Variants in PLPPR1 observed in about 807,000 individuals in gnomAD.
PLPPR1 encodes phospholipid phosphatase related 1, also known as phospholipid phosphatase-related protein type 1.
In PLPPR1, 10 loss-of-function variants were observed where a neutral mutation model predicts 33.1. That is an observed-to-expected ratio of 0.30 (90% CI 0.19 to 0.51). The LOEUF is 0.51. Among genes scored for constraint, PLPPR1 ranks in the 20% least tolerant of loss-of-function variants. The probability of loss-of-function intolerance (pLI) is 0.97; values close to 1 mark genes in which losing one functional copy is unlikely to be tolerated. For synonymous variants in PLPPR1, 151 were observed against 151.0 expected (o/e 1.00, Z 0.00); for missense variants, 304 against 408.1 (o/e 0.74, Z 2.20).
intron 1 of PLPPR1, among the ~76,000 whole-genome samples, chr9:101,172,947 T>C (rs1436329757): frequency 6.6e-6 from 1 of 152,080 alleles, no homozygotes; most frequent in Non-Finnish European, 1.5e-5. Context: ...TTTGTCTGTA[T>C]TTCTCAGTTG....
At chr9:101,056,424 T>C (rs917631645) in intron 1 of PLPPR1, among the ~76,000 whole-genome samples, 3 of 152,148 alleles carry the variant, frequency 2.0e-5, no homozygotes, top group African/African-American at 4.8e-5. Context: ...GTTTAGGTAA[T>C]TAAAAAAAAA....
intron 1 of PLPPR1, among the ~76,000 whole-genome samples, chr9:101,154,425 G>T (rs1190544273): frequency 6.6e-6 from 1 of 152,016 alleles, no homozygotes; most frequent in Admixed American, 6.5e-5. Context: ...GCTTCTTCCT[G>T]GTTTAGTCTT....
At chr9:101,180,091 CCTTTATATATATATATATATATAT>C (rs1305044560) in intron 1 of PLPPR1, among the ~76,000 whole-genome samples, 1 of 93,874 alleles carries the variant, frequency 1.1e-5, no homozygotes, top group African/African-American at 3.9e-5. Flanking sequence ...AATAAACTCT[CCTTTATATATATATATATATATAT>C]ATATATATAT....
intron 5 of PLPPR1, among the ~76,000 whole-genome samples, chr9:101,312,366 C>T (rs983956234): frequency 1.3e-5 from 2 of 152,168 alleles, no homozygotes; most frequent in East Asian, 1.9e-4. Flanking sequence ...TGTACGGTCA[C>T]TTACAGTCAC....
chr9:101,147,377 T>TA (rs1422169998), intron 1 of PLPPR1, among the ~76,000 whole-genome samples: 1 of 152,204 alleles, frequency 6.6e-6, no homozygotes, highest in African/African-American at 2.4e-5. Context: ...TATTAGGGGA[T>TA]ATTTTGAATT....
intron 2 of PLPPR1, among the ~76,000 whole-genome samples, chr9:101,255,325 T>C (rs1319654520): frequency 6.6e-6 from 1 of 152,152 alleles, no homozygotes; most frequent in Admixed American, 6.6e-5. Context: ...TAATAGGCTC[T>C]CATAAGATGG....
chr9:101,044,067 T>A (rs1186421617), intron 1 of PLPPR1, among the ~76,000 whole-genome samples: 1 of 151,902 alleles, frequency 6.6e-6, no homozygotes, highest in Non-Finnish European at 1.5e-5. Context: ...GTCAGCAGAG[T>A]AAACAGACAA....
chr9:101,313,320 C>T (rs1828994670), intron 6 of PLPPR1, among the ~76,000 whole-genome samples: 2 of 152,090 alleles, frequency 1.3e-5, no homozygotes, highest in Admixed American at 1.3e-4. Context: ...TTGTTCTCAG[C>T]ATATTGGGGG....
At chr9:101,116,807 CAA>C (rs35906894) in intron 1 of PLPPR1, among the ~76,000 whole-genome samples, 80 of 118,328 alleles carry the variant, frequency 6.8e-4, no homozygotes, top group Admixed American at 7.9e-4. Flanking sequence ...GACTCCATCT[CAA>C]AAAAAAAAAA....
chr9:101,076,769 A>C (rs2118499971), intron 1 of PLPPR1, among the ~76,000 whole-genome samples: 1 of 152,320 alleles, frequency 6.6e-6, no homozygotes, highest in Non-Finnish European at 1.5e-5. Context: ...TATTGTGTGT[A>C]TGTGTAAGAC....
At chr9:101,212,148 T>C (rs1171739896) in intron 2 of PLPPR1, among the ~76,000 whole-genome samples, 1 of 151,742 alleles carries the variant, frequency 6.6e-6, no homozygotes, top group Admixed American at 6.6e-5. Flanking sequence ...AGTGGTGTGA[T>C]CTCGGCTCAC....
intron 4 of PLPPR1, 109 bp from the exon 5 acceptor site, chr9:101,309,102 G>C (rs1194236675): frequency 3.6e-6 from 4 of 1,126,392 alleles, no homozygotes; most frequent in Non-Finnish European, 3.9e-6. Context: ...GGAGTACTTA[G>C]AATCATTTTG....
chr9:101,303,136 A>G (rs1422320668), intron 4 of PLPPR1, among the ~76,000 whole-genome samples: 1 of 151,296 alleles, frequency 6.6e-6, no homozygotes, highest in Non-Finnish European at 1.5e-5. Flanking sequence ...ACAGGCACCC[A>G]GCACCACCGG....
intron 2 of PLPPR1, among the ~76,000 whole-genome samples, chr9:101,252,567 A>G (rs1827730226): frequency 6.6e-6 from 1 of 152,182 alleles, no homozygotes; most frequent in Non-Finnish European, 1.5e-5. Flanking sequence ...TTAAAGGAAA[A>G]TGAGAACATC....
chr9:101,097,353 G>T (rs1403575618), intron 1 of PLPPR1, among the ~76,000 whole-genome samples: 1 of 152,180 alleles, frequency 6.6e-6, no homozygotes, highest in East Asian at 1.9e-4. Context: ...ATCTAAGTCA[G>T]ATCTAAGTGA....
chr9:101,063,904 T>C (rs748356522), intron 1 of PLPPR1, among the ~76,000 whole-genome samples: 3 of 152,130 alleles, frequency 2.0e-5, no homozygotes, highest in Non-Finnish European at 4.4e-5. Context: ...TGTAAGCTCA[T>C]GAAACTAGGT....
At position 101,154,493 on chromosome 9, in the gene PLPPR1, G is replaced by C. The variant is rs550971609; in HGVS notation, c.-45-30957G>C. Among the ~76,000 whole-genome samples the C allele has an allele frequency of 1.1e-3, 175 of 152,244 alleles. 1 individual carries two copies. Among genetic ancestry groups the C allele is most frequent in the Non-Finnish European group, 2.1e-3 (140 of 68,024 alleles). On this transcript the variant is annotated intron_variant, in intron 1 of 7. Transcript: ENST00000374874. Reference sequence around the variant, plus strand: ...TTCATCTAGATTTTCTAGTTTATTTGCTTAGAGGTATTCATAATATTCTCT... The same window carrying C: ...TTCATCTAGATTTTCTAGTTTATTTCCTTAGAGGTATTCATAATATTCTCT...
chr9:101,070,171 G>A (rs538481282), intron 1 of PLPPR1, among the ~76,000 whole-genome samples: 5 of 152,188 alleles, frequency 3.3e-5, no homozygotes, highest in African/African-American at 4.8e-5. Context: ...GACATGCTCC[G>A]ACTTCATGGG....
chr9:101,137,557 G>T (rs76109298), intron 1 of PLPPR1, among the ~76,000 whole-genome samples: 1 of 152,186 alleles, frequency 6.6e-6, no homozygotes, highest in Admixed American at 6.5e-5. Context: ...AGCTTCGTGA[G>T]CAGAGAGTAG....
Sources: allele counts gnomAD v4.1 joint callset (sites outside exome capture counted in the v4.1 genomes callset), GRCh38; gene constraint gnomAD v4.1.1; transcripts MANE v1.5; gene names NCBI Gene and HGNC (gene_info 2026-07-23, HGNC 2026-07-21).